The following MACROD1 variants were observed in gnomAD, a reference collection of about 807,000 sequenced individuals.
MACROD1 encodes the protein ADP-ribose glycohydrolase MACROD1.
Under a neutral mutation model 41.4 loss-of-function variants are expected in MACROD1, and 31 were observed. The observed-to-expected ratio is 0.75, with a 90% CI of 0.56 to 1.01. MACROD1 has a LOEUF of 1.01. Among genes scored for constraint, MACROD1 ranks in the 50% least tolerant of loss-of-function variants. The pLI is 0.00. For synonymous variants in MACROD1, 252 were observed against 203.4 expected (o/e 1.24, Z -2.03); for missense variants, 473 against 460.0 (o/e 1.03, Z -0.26).
chr11:64,116,299 C>A lies in MACROD1; in HGVS notation c.517+34940G>T. 1.2e-6 allele frequency: 2 copies of A among 1,605,212 alleles called. No individual in the cohort carries two copies. The highest frequency in any genetic ancestry group is 1.7e-6 in the Non-Finnish European group (2 of 1,177,846). On this transcript the variant is annotated intron_variant, in intron 3 of 10. Coordinates refer to ENST00000255681, the MANE Select transcript of MACROD1 (RefSeq NM_014067.4). ...GTGGCACACCCCACCGCCACTGCCACCACCACGCCCACTGCCACTGTCACG... is the reference window on the plus strand; with the variant it reads ...GTGGCACACCCCACCGCCACTGCCAACACCACGCCCACTGCCACTGTCACG...
In MACROD1 at chr11:63,999,522, A is replaced by C. The variant is rs765627406; in HGVS notation, c.817+8T>G. The C allele has an allele frequency of 2.5e-5, 40 of 1,606,358 alleles. No individual in the cohort carries two copies. Among genetic ancestry groups the C allele is most frequent in the Non-Finnish European group, 3.3e-5 (39 of 1,177,186 alleles). ...CACTCCTGGTCCTTGCCTTTCTTCC[A>C]GACTCACCAAACACGCCGGTGGAGA... On this transcript the variant is annotated splice_region_variant and intron_variant, in intron 7 of 10. Coordinates refer to ENST00000255681, the MANE Select transcript of MACROD1 (RefSeq NM_014067.4).
At chr11:64,051,948 C>T (rs1307528697) in intron 3 of MACROD1, among the ~76,000 whole-genome samples, 2 of 151,518 alleles carry the variant, frequency 1.3e-5, no homozygotes, top group African/African-American at 2.4e-5. Flanking sequence ...CACTGGTGCC[C>T]GGACAGTGTT....
At chr11:64,125,901 C>A (rs192584623) in intron 3 of MACROD1, among the ~76,000 whole-genome samples, 1 of 152,196 alleles carries the variant, frequency 6.6e-6, no homozygotes, top group Non-Finnish European at 1.5e-5. Flanking sequence ...AGGAACTCAT[C>A]GGGCTTCCTC....
Position 64,011,961 on chromosome 11 carries a change from T to G in MACROD1, c.547+3291A>C, listed in dbSNP as rs150751041. On this transcript the variant is annotated intron_variant, in intron 4 of 10. Coordinates refer to ENST00000255681, the MANE Select transcript of MACROD1 (RefSeq NM_014067.4). ...CCTCCGGGGACCAGGCTGGGCTCCA[T>G]TCCAGCCCCAGCATCGTCCCTACCA... 2.2e-3 allele frequency among the ~76,000 whole-genome samples: 335 copies of G among 152,120 alleles called. 1 individual carries two copies. Among genetic ancestry groups the G allele is most frequent in the Non-Finnish European group, 3.7e-3 (254 of 67,954 alleles).
At chr11:64,114,912 GA>G (rs1346408690) in intron 3 of MACROD1, among the ~76,000 whole-genome samples, 1 of 152,204 alleles carries the variant, frequency 6.6e-6, no homozygotes, top group Non-Finnish European at 1.5e-5. Context: ...TTGCTCGATG[GA>G]AAGAAAAAGC....
At chr11:64,164,802 G>A (rs1945812080) in intron 1 of MACROD1, among the ~76,000 whole-genome samples, 1 of 152,196 alleles carries the variant, frequency 6.6e-6, no homozygotes. Flanking sequence ...TTTGAAAGGG[G>A]ATCCAGCCGG....
At chr11:64,155,228 C>T (rs977776547) in intron 1 of MACROD1, among the ~76,000 whole-genome samples, 1 of 152,056 alleles carries the variant, frequency 6.6e-6, no homozygotes, top group Non-Finnish European at 1.5e-5. Context: ...TGCAAAAGCC[C>T]AGAGGTAAGA....
In MACROD1 at chr11:64,101,234, G is replaced by A. The variant is rs1451294581; in HGVS notation, c.517+50005C>T. Among the ~76,000 whole-genome samples, 3 of 152,280 alleles carry A rather than the reference G, an allele frequency of 2.0e-5. No individual in the cohort carries two copies. The East Asian group carries it at 5.8e-4, about 29-fold the overall frequency. On this transcript the variant is annotated intron_variant, in intron 3 of 10. Transcript: ENST00000255681. ...AGCCAGCTCAGGGCATTAGTGGGCA[G>A]TAGTGGGAGACACGGCTGGTGGGCT... is the stretch of plus-strand genomic sequence containing the variant.
At position 64,096,138 on chromosome 11, in the gene MACROD1, C is replaced by T. The variant is rs1286111510; in HGVS notation, c.517+55101G>A. 6.6e-6 allele frequency among the ~76,000 whole-genome samples: 1 copy of T among 152,244 alleles called. No individual in the cohort carries two copies. The highest frequency in any genetic ancestry group is 1.5e-5 in the Non-Finnish European group (1 of 68,038). ...GTGAGAGTGCCCAGACCCTGGAGGCCAGGAGGGGACCAGGGCTGCCCGCCG... is the reference window on the plus strand; with the variant it reads ...GTGAGAGTGCCCAGACCCTGGAGGCTAGGAGGGGACCAGGGCTGCCCGCCG... On this transcript the variant is annotated intron_variant, in intron 3 of 10. Coordinates refer to ENST00000255681, the MANE Select transcript of MACROD1 (RefSeq NM_014067.4). The surrounding 1 kb of genome is among the most constrained non-coding windows in gnomAD (Gnocchi z 4.6).
At chr11:64,033,862 TA>T (rs1307598883) in intron 3 of MACROD1, among the ~76,000 whole-genome samples, 2 of 152,086 alleles carry the variant, frequency 1.3e-5, no homozygotes, top group Non-Finnish European at 2.9e-5. Context: ...TTATTATTTT[TA>T]TTTTTTTGTA....
chr11:64,077,601 C>T (rs1364105471), intron 3 of MACROD1, among the ~76,000 whole-genome samples: 1 of 152,166 alleles, frequency 6.6e-6, no homozygotes, highest in Non-Finnish European at 1.5e-5. Context: ...CACCTAGACA[C>T]AGACTGACGG....
rs1943383538 is a variant in MACROD1, at chr11:64,036,506, G to C, written c.518-21225C>G. On this transcript the variant is annotated intron_variant, in intron 3 of 10. Transcript: ENST00000255681. This position sits in a 1 kb window ranked among gnomAD's most constrained non-coding sequence, Gnocchi z 5.6. Reference sequence around the variant, plus strand: ...GCTGCACCCCCCAGGGAGGGGGCCTGGCCCGTGGGGGGCGTCAGGCCGGTC... The same window carrying C: ...GCTGCACCCCCCAGGGAGGGGGCCTCGCCCGTGGGGGGCGTCAGGCCGGTC... Among the ~76,000 whole-genome samples, 1 of 152,102 alleles carries C rather than the reference G, an allele frequency of 6.6e-6. No individual in the cohort carries two copies. Among genetic ancestry groups the C allele is most frequent in the Non-Finnish European group, 1.5e-5 (1 of 67,978 alleles).
At position 64,165,784 on chromosome 11, in the gene MACROD1, GC is replaced by G; in HGVS notation, c.210del (p.Arg71GlyfsTer19). On this transcript the variant is annotated frameshift_variant, in exon 1 of 11. Transcript: ENST00000255681. LOFTEE classifies it high-confidence loss of function. ...GVGAWGAAAV[G>X]RTAGVRTWAP... is the part of the protein sequence containing the mutation. ...GCCCAAGTGCGCACCCCGGCTGTCCGCCCCACCGCCGCCGCCCCCCACGCCC... is the reference window on the plus strand; with the variant it reads ...GCCCAAGTGCGCACCCCGGCTGTCCGCCCACCGCCGCCGCCCCCCACGCCC... 6.7e-7 allele frequency: 1 copy of G among 1,489,336 alleles called. No homozygotes were observed. The highest frequency in any genetic ancestry group is 8.9e-7 in the Non-Finnish European group (1 of 1,124,354). 92.3% of individuals were successfully genotyped at this position (1,489,336 alleles called of 1,614,324 possible).
chr11:64,035,644 A>G (rs1355038956), intron 3 of MACROD1, among the ~76,000 whole-genome samples: 1 of 103,740 alleles, frequency 9.6e-6, no homozygotes, highest in Non-Finnish European at 1.9e-5. Flanking sequence ...CGGCTGGGCC[A>G]GAATCCCCGC....
chr11:64,156,535 C>T (rs1945671580), intron 1 of MACROD1, among the ~76,000 whole-genome samples: 1 of 152,194 alleles, frequency 6.6e-6, no homozygotes. Flanking sequence ...AGAGACACCT[C>T]AGGTGCCCTA....
chr11:64,122,178 G>A lies in MACROD1; in HGVS notation c.517+29061C>T, dbSNP rs1421358508. On this transcript the variant is annotated intron_variant, in intron 3 of 10. Transcript: ENST00000255681. The surrounding 1 kb of genome is among the most constrained non-coding windows in gnomAD (Gnocchi z 4.0). ...TCCACAGACATGATGTGCATCAAAA[G>A]CTCCTTTTCTTCCCTTTTCTCCTTC... Among the ~76,000 whole-genome samples the A allele has an allele frequency of 6.6e-6, 1 of 152,204 alleles. No homozygotes were observed. Among genetic ancestry groups the A allele is most frequent in the Non-Finnish European group, 1.5e-5 (1 of 68,048 alleles).
chr11:64,076,693 T>G (rs909231005), intron 3 of MACROD1, among the ~76,000 whole-genome samples: 2 of 151,934 alleles, frequency 1.3e-5, no homozygotes, highest in African/African-American at 4.8e-5. Flanking sequence ...CAGAAAGAGG[T>G]TGGTCCTCCA....
rs1457447830 is a variant in MACROD1, at chr11:63,998,602, G to T, written c.*116C>A. On this transcript the variant is annotated 3_prime_UTR_variant, in exon 11 of 11. Transcript: ENST00000255681. ...TTAGGCTCCTCGGGGGCGGGGCGCG[G>T]AGGGAAAGAAGGGGTGGCCAGGCCC... 5.5e-6 allele frequency: 7 copies of T among 1,278,802 alleles called. No homozygotes were observed. The Admixed American group carries it at 2.3e-4, about 41-fold the overall frequency. The allele number at this position is 1,278,802 out of a possible 1,614,324, so 79.2% of individuals were successfully genotyped here.
intron 1 of MACROD1, among the ~76,000 whole-genome samples, chr11:64,154,711 G>A (rs528023912): frequency 2.6e-5 from 4 of 152,092 alleles, no homozygotes; most frequent in African/African-American, 9.7e-5. Flanking sequence ...GTTTGCTTTT[G>A]TTTACACTTA....
Sources: allele counts gnomAD v4.1 joint callset (sites outside exome capture counted in the v4.1 genomes callset), GRCh38; gene constraint gnomAD v4.1.1; non-coding constraint Gnocchi (gnomAD v3.1); transcripts MANE v1.5; gene names NCBI Gene and HGNC (gene_info 2026-07-23, HGNC 2026-07-21).